SCAPER: variants seen among roughly 807,000 people sequenced by gnomAD.
SCAPER encodes S-phase cyclin A associated protein in the ER, also known as S phase cyclin A-associated protein in the endoplasmic reticulum.
In SCAPER, 98 loss-of-function variants were observed where a neutral mutation model predicts 182.2. The ratio of observed to expected loss-of-function variants is 0.54; its 90% CI spans 0.46 to 0.64. The LOEUF is 0.64. SCAPER is among the 30% of genes least tolerant of loss of function. SCAPER has a pLI of 0.00. For synonymous variants in SCAPER, 605 were observed against 564.6 expected, an observed-to-expected ratio of 1.07 and a Z score of -1.01; for missense variants, 1,432 against 1,690.0, an observed-to-expected ratio of 0.85 and a Z score of 2.68.
At chr15:76,566,406 T>G (rs1279920402) in intron 23 of SCAPER, among the ~76,000 whole-genome samples, 1 of 152,150 alleles carries the variant, frequency 6.6e-6, no homozygotes, top group African/African-American at 2.4e-5. Flanking sequence ...CAGCTGAATC[T>G]CTATTTAAAT....
intron 24 of SCAPER, among the ~76,000 whole-genome samples, chr15:76,476,590 A>T (rs1233977894): frequency 7.6e-6 from 1 of 130,946 alleles, no homozygotes; most frequent in Admixed American, 8.7e-5. Context: ...CACAACACCC[A>T]GCTAATTTTT....
chr15:76,407,496 C>T (rs538892942), intron 26 of SCAPER, among the ~76,000 whole-genome samples: 2 of 152,148 alleles, frequency 1.3e-5, no homozygotes, highest in African/African-American at 2.4e-5. Flanking sequence ...GTTTTACTTA[C>T]GTTGTTTCAA....
Position 76,521,466 on chromosome 15 carries a change from G to A in SCAPER, c.2839-16492C>T, listed in dbSNP as rs151112170. Among the ~76,000 whole-genome samples the A allele has an allele frequency of 1.2e-4, 19 of 152,054 alleles. No individual in the cohort carries two copies. The East Asian group carries it at 3.7e-3, about 29-fold the overall frequency. On this transcript the variant is annotated intron_variant, in intron 23 of 31. Coordinates refer to ENST00000563290, the MANE Select transcript of SCAPER (RefSeq NM_020843.4). ...GGGAGGGTGGGGAGAGAGGATCTCT[G>A]GAGGCCAGGAGTTCGAGACCAATTT...
intron 23 of SCAPER, among the ~76,000 whole-genome samples, chr15:76,530,771 T>C (rs2043589644): frequency 6.6e-6 from 1 of 151,912 alleles, no homozygotes; most frequent in Non-Finnish European, 1.5e-5. Context: ...CAATTTACAG[T>C]GCTGAGGAAG....
intron 14 of SCAPER, among the ~76,000 whole-genome samples, chr15:76,762,823 T>C (rs2062872576): frequency 6.6e-6 from 1 of 152,100 alleles, no homozygotes; most frequent in Non-Finnish European, 1.5e-5. Context: ...AATTTTTTTG[T>C]TGTTCCTTAT....
intron 24 of SCAPER, among the ~76,000 whole-genome samples, chr15:76,504,317 G>A (rs947900719): frequency 2.8e-4 from 43 of 152,190 alleles, no homozygotes; most frequent in African/African-American, 1.0e-3. Flanking sequence ...CTATACCCCA[G>A]GTGGCCAGGG....
At chr15:76,413,940 C>T (rs2045476828) in intron 26 of SCAPER, among the ~76,000 whole-genome samples, 1 of 151,912 alleles carries the variant, frequency 6.6e-6, no homozygotes, top group South Asian at 2.1e-4. Flanking sequence ...ACTTGTTAGC[C>T]TGCAAAAAGG....
chr15:76,740,959 GTT>G (rs902672048), intron 15 of SCAPER, among the ~76,000 whole-genome samples: 1 of 152,010 alleles, frequency 6.6e-6, no homozygotes, highest in African/African-American at 2.4e-5. Flanking sequence ...CCCTAAAAAT[GTT>G]CAGAAATTAA....
At chr15:76,492,999 C>T (rs935409047) in intron 24 of SCAPER, among the ~76,000 whole-genome samples, 2 of 151,954 alleles carry the variant, frequency 1.3e-5, no homozygotes, top group African/African-American at 2.4e-5. Flanking sequence ...TCTACAATGC[C>T]TTCCCTGTCT....
intron 18 of SCAPER, among the ~76,000 whole-genome samples, chr15:76,703,485 A>C (rs1286621512): frequency 6.6e-6 from 1 of 152,198 alleles, no homozygotes; most frequent in East Asian, 1.9e-4. Flanking sequence ...CATCATGACC[A>C]AACCTATAAC....
intron 2 of SCAPER, among the ~76,000 whole-genome samples, chr15:76,874,674 C>T (rs376394836): frequency 3.9e-5 from 6 of 151,996 alleles, no homozygotes; most frequent in African/African-American, 9.7e-5. Context: ...AAATTGTATC[C>T]GGTCAGTCAC....
At chr15:76,858,313 T>C (rs1054194026) in intron 3 of SCAPER, among the ~76,000 whole-genome samples, 7 of 152,222 alleles carry the variant, frequency 4.6e-5, no homozygotes, top group Admixed American at 1.3e-4. Context: ...TATTTTGTTT[T>C]ATCTGATATA....
chr15:76,563,570 A>G (rs1016687791), intron 23 of SCAPER, among the ~76,000 whole-genome samples: 1 of 152,322 alleles, frequency 6.6e-6, no homozygotes, highest in African/African-American at 2.4e-5. Flanking sequence ...AAGGATTCAC[A>G]GCTGAAGTCT....
At chr15:76,893,130 A>T (rs1192661767) in intron 1 of SCAPER, among the ~76,000 whole-genome samples, 2 of 152,186 alleles carry the variant, frequency 1.3e-5, no homozygotes, top group Non-Finnish European at 2.9e-5. Context: ...GAACAATGAG[A>T]ACACTTGGAC....
chr15:76,827,111 C>T, intron 5 of SCAPER, among the ~76,000 whole-genome samples: 1 of 152,148 alleles, frequency 6.6e-6, no homozygotes, highest in East Asian at 1.9e-4. Flanking sequence ...CCTCCAGTTA[C>T]TATTCTTCCA....
intron 23 of SCAPER, among the ~76,000 whole-genome samples, chr15:76,559,549 T>C (rs1372404381): frequency 6.6e-6 from 1 of 152,188 alleles, no homozygotes; most frequent in East Asian, 1.9e-4. Flanking sequence ...ATGTGGCAGT[T>C]CTTTATAGCA....
intron 4 of SCAPER, among the ~76,000 whole-genome samples, chr15:76,848,203 CTGGCCAGGCTGGTCT>C (rs1416669315): frequency 6.6e-6 from 1 of 151,842 alleles, no homozygotes; most frequent in African/African-American, 2.4e-5. Flanking sequence ...TTTCACCATG[CTGGCCAGGCTGGTCT>C]TGAACTCCTA....
At chr15:76,724,074 C>T (rs967508425) in intron 17 of SCAPER, among the ~76,000 whole-genome samples, 1 of 152,074 alleles carries the variant, frequency 6.6e-6, no homozygotes, top group African/African-American at 2.4e-5. Flanking sequence ...TTGTTCCTTT[C>T]CATGTTTAGT....
intron 24 of SCAPER, among the ~76,000 whole-genome samples, chr15:76,472,606 T>C (rs1596844749): frequency 1.3e-5 from 2 of 152,174 alleles, no homozygotes; most frequent in African/African-American, 2.4e-5. Flanking sequence ...CCTCAGGTGA[T>C]CCACCCGCCT....
Sources: gnomAD v4.1 joint callset for allele counts (sites outside exome capture counted in the v4.1 genomes callset) on GRCh38, gnomAD v4.1.1 for gene constraint, MANE v1.5 for transcripts, NCBI Gene and HGNC (gene_info 2026-07-23, HGNC 2026-07-21) for gene names.